RIPOR2: variants seen among roughly 807,000 people sequenced by gnomAD.
RIPOR2 encodes rho family-interacting cell polarization regulator 2.
RIPOR2 carries 39 observed loss-of-function variants against 114.5 expected under a neutral mutation model. That is an observed-to-expected ratio of 0.34 (90% CI 0.26 to 0.44). The LOEUF (loss-of-function observed/expected upper bound fraction) is 0.44. RIPOR2 is among the 20% of genes least tolerant of loss of function. The pLI is 1.00. For missense variants in RIPOR2, 1,007 were observed against 1,255.1 expected, an observed-to-expected ratio of 0.80 and a Z score of 2.99; for synonymous variants, 445 against 484.4, an observed-to-expected ratio of 0.92 and a Z score of 1.07.
chr6:24,927,258 C>CATCACT (rs1561782859), intron 1 of RIPOR2, among the ~76,000 whole-genome samples: 8 of 151,808 alleles, frequency 5.3e-5, no homozygotes, highest in African/African-American at 9.7e-5. Flanking sequence ...CCACCACCAC[C>CATCACT]ACCACCACAG....
At chr6:25,025,726 A>G (rs967960451) in intron 1 of RIPOR2, among the ~76,000 whole-genome samples, 3 of 152,230 alleles carry the variant, frequency 2.0e-5, no homozygotes, top group Admixed American at 2.0e-4. Context: ...TATGATGACT[A>G]TGCATATTCA....
intron 1 of RIPOR2, among the ~76,000 whole-genome samples, chr6:24,930,385 A>G (rs1288972048): frequency 3.3e-5 from 5 of 152,230 alleles, no homozygotes; most frequent in African/African-American, 1.2e-4. Flanking sequence ...ATATTAAAAT[A>G]AACATCTAAA....
chr6:24,898,950 GTT>G (rs10584291), intron 1 of RIPOR2, among the ~76,000 whole-genome samples: 39,098 of 126,992 alleles, frequency 0.31, 6,270 homozygotes, highest in African/African-American at 0.49. Context: ...TCAGGGAGTA[GTT>G]TTTTTTTTTT....
At chr6:24,923,943 C>G (rs557950771) in intron 1 of RIPOR2, among the ~76,000 whole-genome samples, 1 of 152,176 alleles carries the variant, frequency 6.6e-6, no homozygotes, top group Non-Finnish European at 1.5e-5. Context: ...TCTTGTAATG[C>G]GTAGCAACCA....
At chr6:24,944,537 C>T (rs928010414) in intron 1 of RIPOR2, among the ~76,000 whole-genome samples, 1 of 152,046 alleles carries the variant, frequency 6.6e-6, no homozygotes, top group Non-Finnish European at 1.5e-5. Context: ...TTAAACATCC[C>T]GTTTTCAGCA....
At chr6:24,889,599 C>G (rs1581718365) in intron 1 of RIPOR2, among the ~76,000 whole-genome samples, 1 of 152,200 alleles carries the variant, frequency 6.6e-6, no homozygotes, top group Middle Eastern at 3.4e-3. Context: ...TTTGTACTAT[C>G]ATCTGATAAA....
rs1440906620 is a variant in RIPOR2, at chr6:24,849,732, CA to C, written c.1034+69del. The C allele has an allele frequency of 5.0e-6, 7 of 1,398,064 alleles. No homozygotes were observed. In the African/African-American group the frequency reaches 7.1e-5, roughly 14 times the overall value. The allele number at this position is 1,398,064 out of a possible 1,614,324, so 86.6% of individuals were successfully genotyped here. On this transcript the variant is annotated intron_variant, in intron 11 of 21. Transcript: ENST00000643898. ...TCCCTGGTGATGCGGATGGTCCATG[CA>C]CCAGCTTTGAGTAGCACTAGCCGGT...
chr6:24,948,533 CT>C (rs35993841), intron 1 of RIPOR2, among the ~76,000 whole-genome samples: 78,199 of 145,042 alleles, frequency 0.54, 21,260 homozygotes, highest in Middle Eastern at 0.61. Flanking sequence ...TTCTTTCTTT[CT>C]TTTTTTTTTT....
At chr6:24,931,722 T>C (rs1771405434) in intron 1 of RIPOR2, among the ~76,000 whole-genome samples, 1 of 152,364 alleles carries the variant, frequency 6.6e-6, no homozygotes, top group African/African-American at 2.4e-5. Flanking sequence ...AGAAATACTT[T>C]GCACACTTAC....
At chr6:24,909,210 G>A (rs921613898) in intron 1 of RIPOR2, among the ~76,000 whole-genome samples, 2 of 152,132 alleles carry the variant, frequency 1.3e-5, no homozygotes, top group African/African-American at 4.8e-5. Flanking sequence ...GCTGGGAGAT[G>A]GGGGCTTCAG....
chr6:24,839,892 C>A, intron 13 of RIPOR2: 2 of 994,492 alleles, frequency 2.0e-6, no homozygotes, highest in Non-Finnish European at 2.4e-6. Flanking sequence ...GGAAGTGGTT[C>A]AAATTCACCT....
intron 9 of RIPOR2, 115 bp downstream of exon 9, chr6:24,852,460 C>CAAAATTA (rs768934685): frequency 1.2e-6 from 1 of 847,008 alleles, no homozygotes; most frequent in Non-Finnish European, 1.9e-6. Flanking sequence ...AAATGTTTTT[C>CAAAATTA]AAAATTAAAA....
intron 11 of RIPOR2, among the ~76,000 whole-genome samples, chr6:24,848,742 G>C (rs1318719150): frequency 6.6e-6 from 1 of 152,162 alleles, no homozygotes; most frequent in Non-Finnish European, 1.5e-5. Context: ...GGGGAGGGAA[G>C]GGCTGAGCAA....
At chr6:25,031,526 AT>A (rs1372496276) in intron 1 of RIPOR2, among the ~76,000 whole-genome samples, 1 of 150,374 alleles carries the variant, frequency 6.7e-6, no homozygotes, top group East Asian at 1.9e-4. Context: ...ATGACTAAAA[AT>A]TTTTTTAAAC....
Position 24,835,859 on chromosome 6 carries a change from A to G in RIPOR2, c.2052T>C (p.Val684=). The change falls in exon 15 of 22, where the codon GTT becomes GTC. Residue 684 remains valine, a synonymous_variant. Coordinates refer to ENST00000643898, the MANE Select transcript of RIPOR2 (RefSeq NM_001286445.3). The part of the protein sequence containing the change: ...TETEKHSYRS[V]HPEARGHLSE... ...TGAGATGCCCCCTGGCTTCTGGGTG[A>G]ACCGACCTGTAACTATTGAAGGTGG... 6.4e-7 allele frequency: 1 copy of G among 1,551,478 alleles called. No homozygotes were observed. The highest frequency in any genetic ancestry group is 8.7e-7 in the Non-Finnish European group (1 of 1,146,964).
chr6:24,936,045 A>G (rs1771785733), upstream of RIPOR2: 2 of 611,364 alleles, frequency 3.3e-6, no homozygotes, highest in Non-Finnish European at 5.8e-6. Context: ...AAGCAGTTTC[A>G]TTCATATGAA....
chr6:24,928,860 G>T (rs917682457), intron 1 of RIPOR2, among the ~76,000 whole-genome samples: 8 of 152,038 alleles, frequency 5.3e-5, no homozygotes, highest in African/African-American at 1.7e-4. Context: ...AGCTAGATCC[G>T]AGTGTGTTCT....
At position 25,009,833 on chromosome 6, in the gene RIPOR2, A is replaced by C. The variant is rs575525674; in HGVS notation, c.76+32018T>G. Among the ~76,000 whole-genome samples the C allele has an allele frequency of 2.0e-5, 3 of 152,160 alleles. No individual in the cohort carries two copies. In the East Asian group the frequency reaches 5.8e-4, roughly 29 times the overall value. On this transcript the variant is annotated intron_variant, in intron 1 of 13. Coordinates refer to the RIPOR2 transcript ENST00000510784. ...ATACTTCCTGTGGGTGGAGGTGGGG[A>C]CTCAACTGTCTCCAAGCAAAGAGGC...
rs553272325 is a variant in RIPOR2, at chr6:24,887,256, A to G, written c.62-11439T>C. Among the ~76,000 whole-genome samples, 3 of 152,154 alleles carry G rather than the reference A, an allele frequency of 2.0e-5. No individual in the cohort carries two copies. In the East Asian group the frequency reaches 5.8e-4, roughly 29 times the overall value. On this transcript the variant is annotated intron_variant, in intron 1 of 21. Coordinates refer to ENST00000643898, the MANE Select transcript of RIPOR2 (RefSeq NM_001286445.3). ...TTAACCAAGCTACACCCACCGTGAGAGGGGGTACCAGCTGTCTTTTGAAAC... is the reference window on the plus strand; with the variant it reads ...TTAACCAAGCTACACCCACCGTGAGGGGGGGTACCAGCTGTCTTTTGAAAC...
Sources: allele counts gnomAD v4.1 joint callset (sites outside exome capture counted in the v4.1 genomes callset), GRCh38; gene constraint gnomAD v4.1.1; transcripts MANE v1.5; gene names NCBI Gene and HGNC (gene_info 2026-07-23, HGNC 2026-07-21).